The following BPIFC variants were observed in gnomAD, a reference collection of about 807,000 sequenced individuals.
BPIFC encodes BPI fold containing family C.
A neutral mutation model predicts 57.6 loss-of-function variants in BPIFC; 60 were observed. The ratio of observed to expected loss-of-function variants is 1.04; its 90% CI spans 0.85 to 1.29. BPIFC has a LOEUF of 1.29. BPIFC is among the 50% of genes most tolerant of loss of function. The pLI, the probability that BPIFC is intolerant of heterozygous loss-of-function variation, is 0.00. For missense variants in BPIFC, 581 were observed against 600.5 expected, an observed-to-expected ratio of 0.97 and a Z score of 0.34; for synonymous variants, 243 against 224.5, an observed-to-expected ratio of 1.08 and a Z score of -0.74.
At chr22:32,449,008 A>T (rs557126602) in intron 4 of BPIFC, among the ~76,000 whole-genome samples, 1 of 152,234 alleles carries the variant, frequency 6.6e-6, no homozygotes, top group African/African-American at 2.4e-5. Flanking sequence ...TGGTAAGTGC[A>T]TTACACGCAT....
At chr22:32,429,917 G>C (rs760982776) in intron 13 of BPIFC, among the ~76,000 whole-genome samples, 1 of 152,106 alleles carries the variant, frequency 6.6e-6, no homozygotes, top group African/African-American at 2.4e-5. Context: ...CTCTGCTTAC[G>C]TCTGTTTCAT....
chr22:32,439,821 G>C (rs8137634), intron 8 of BPIFC, among the ~76,000 whole-genome samples: 1 of 152,068 alleles, frequency 6.6e-6, no homozygotes, highest in Non-Finnish European at 1.5e-5. Context: ...CACCCTGTTG[G>C]CCAGGCTGGT....
chr22:32,449,685 T>A (rs1273482413), intron 4 of BPIFC, among the ~76,000 whole-genome samples: 2 of 152,142 alleles, frequency 1.3e-5, no homozygotes, highest in African/African-American at 4.8e-5. Context: ...CTGTATTATA[T>A]ACAATGTCAC....
intron 15 of BPIFC, 116 bp downstream of exon 15, chr22:32,416,969 C>A: frequency 1.0e-6 from 1 of 961,824 alleles, no homozygotes; most frequent in Middle Eastern, 2.1e-4. Flanking sequence ...TTCATGATAA[C>A]ATGATAGAAG....
At chr22:32,426,703 C>G (rs1436428644) in intron 13 of BPIFC, among the ~76,000 whole-genome samples, 1 of 151,948 alleles carries the variant, frequency 6.6e-6, no homozygotes, top group Non-Finnish European at 1.5e-5. Flanking sequence ...ACCAGCCTGG[C>G]CAACATGGCG....
intron 5 of BPIFC, among the ~76,000 whole-genome samples, chr22:32,446,389 A>T (rs375539827): frequency 1.3e-5 from 2 of 152,192 alleles, no homozygotes; most frequent in East Asian, 1.9e-4. Flanking sequence ...TAGTCTGTGA[A>T]CTCCTTGAGG....
chr22:32,422,417 G>C (rs896738051), intron 13 of BPIFC, among the ~76,000 whole-genome samples: 1 of 152,044 alleles, frequency 6.6e-6, no homozygotes, highest in Non-Finnish European at 1.5e-5. Context: ...ACTCTAAAAA[G>C]GGTGTGAAGC....
intron 4 of BPIFC, among the ~76,000 whole-genome samples, chr22:32,449,889 C>T (rs1375652668): frequency 6.6e-6 from 1 of 152,016 alleles, no homozygotes; most frequent in African/African-American, 2.4e-5. Context: ...CGCCCACCAC[C>T]ATGCCCGGCT....
In BPIFC at chr22:32,445,677, A is replaced by G. The variant is rs769228216; in HGVS notation, c.552T>C (p.Ala184=). 1.8e-5 allele frequency: 29 copies of G among 1,583,728 alleles called. No homozygotes were observed. In the South Asian group the frequency reaches 2.8e-4, roughly 15 times the overall value. The change falls in exon 7 of 17, where the codon GCT becomes GCC. Residue 184 remains alanine (A), a synonymous_variant. Transcript: ENST00000300399. Reference sequence around the variant, plus strand: ...TTAAAATGGGTTTCTCCATGGGCTCAGCAAAGGAGTTATACAGAACACTGA... The same window carrying G: ...TTAAAATGGGTTTCTCCATGGGCTCGGCAAAGGAGTTATACAGAACACTGA... The part of the protein sequence containing the change: ...GELSVLYNSF[A]EPMEKPILKN...
intron 13 of BPIFC, among the ~76,000 whole-genome samples, chr22:32,424,693 CTCT>C (rs1488348803): frequency 1.0e-4 from 3 of 29,310 alleles, no homozygotes; most frequent in African/African-American, 2.2e-4. Context: ...CTTCTTCTTC[CTCT>C]TCTTCTTCCT....
chr22:32,443,783 C>T (rs561156056), intron 7 of BPIFC, among the ~76,000 whole-genome samples: 18 of 152,176 alleles, frequency 1.2e-4, no homozygotes, highest in Non-Finnish European at 2.4e-4. Flanking sequence ...GTGTCCACCT[C>T]ATCACATTGT....
intron 13 of BPIFC, among the ~76,000 whole-genome samples, chr22:32,427,646 A>G (rs1601451279): frequency 6.6e-6 from 1 of 151,888 alleles, no homozygotes; most frequent in Non-Finnish European, 1.5e-5. Flanking sequence ...GATGCTGCCA[A>G]TTTCTCACCT....
At chr22:32,428,831 G>A (rs552791303) in intron 13 of BPIFC, among the ~76,000 whole-genome samples, 10 of 152,036 alleles carry the variant, frequency 6.6e-5, no homozygotes, top group African/African-American at 1.4e-4. Context: ...CCCGGGAGGC[G>A]GAGGTTGTAG....
chr22:32,424,903 T>C (rs2145919768), intron 13 of BPIFC, among the ~76,000 whole-genome samples: 1 of 151,338 alleles, frequency 6.6e-6, no homozygotes, highest in Admixed American at 6.6e-5. Context: ...TGCCTCAGCC[T>C]CCAGAGTAGC....
At chr22:32,451,510 A>G (rs1389310520) in intron 4 of BPIFC, among the ~76,000 whole-genome samples, 1 of 152,100 alleles carries the variant, frequency 6.6e-6, no homozygotes, top group Non-Finnish European at 1.5e-5. Flanking sequence ...ACTTGGACAC[A>G]GGAAGGGGAA....
intron 3 of BPIFC, among the ~76,000 whole-genome samples, chr22:32,456,736 G>A (rs1185743081): frequency 4.6e-5 from 7 of 152,036 alleles, no homozygotes; most frequent in Non-Finnish European, 1.0e-4. Context: ...ACATCCCAAC[G>A]TTTGTCTCTC....
At chr22:32,447,607 C>CTTTTT (rs11375413) in intron 4 of BPIFC, among the ~76,000 whole-genome samples, 1 of 132,830 alleles carries the variant, frequency 7.5e-6, no homozygotes, top group Non-Finnish European at 1.6e-5. Flanking sequence ...CTCTCGCTCT[C>CTTTTT]TTTTTTTTTT....
intron 7 of BPIFC, among the ~76,000 whole-genome samples, chr22:32,443,374 A>G (rs951592877): frequency 2.0e-5 from 3 of 152,138 alleles, no homozygotes; most frequent in Admixed American, 2.0e-4. Flanking sequence ...CGTGTTAGCC[A>G]GGATGGTCTC....
intron 1 of BPIFC, among the ~76,000 whole-genome samples, chr22:32,462,183 A>AG (rs1568964067): frequency 2.7e-5 from 4 of 146,932 alleles, no homozygotes; most frequent in Non-Finnish European, 5.9e-5. Context: ...AAAAAAAAAA[A>AG]AAAAAAAGAA....
Sources: gnomAD v4.1 joint callset for allele counts (sites outside exome capture counted in the v4.1 genomes callset) on GRCh38, gnomAD v4.1.1 for gene constraint, MANE v1.5 for transcripts, NCBI Gene and HGNC (gene_info 2026-07-23, HGNC 2026-07-21) for gene names.